Variants in CCDC183 observed in about 807,000 individuals in gnomAD.
CCDC183 encodes coiled-coil domain-containing protein 183.
In CCDC183, 63 loss-of-function variants were observed where a neutral mutation model predicts 65.2. The observed-to-expected ratio is 0.97, with a 90% confidence interval of 0.79 to 1.19. The LOEUF is 1.19. CCDC183 is among the 50% of genes most tolerant of loss of function. The pLI, the probability that CCDC183 is intolerant of heterozygous loss-of-function variation, is 0.00. For missense variants in CCDC183, 769 were observed against 689.3 expected (o/e 1.12, Z -1.30); for synonymous variants, 323 against 276.5 (o/e 1.17, Z -1.67).
chr9:136,807,662 T>C lies in CCDC183; in HGVS notation c.1577T>C (p.Leu526Pro). 1.2e-6 allele frequency: 2 copies of C among 1,602,916 alleles called. No individual in the cohort carries two copies. The highest frequency in any genetic ancestry group is 1.7e-6 in the Non-Finnish European group (2 of 1,175,248). ...RQAQRLIEGK[L>P]KAAKKKKK ...GCGCAGCGGCTAATCGAGGGGAAGC[T>C]CAAGGCGGCCAAGAAAAAGAAGAAG... is the stretch of plus-strand genomic sequence containing the variant. The change falls in exon 14 of 14, where the codon CTC (leucine) becomes CCC (proline). Residue 526 changes from leucine to proline, a missense_variant. Physicochemically the swap from Leu to Pro is moderately conservative, Grantham distance 98. Transcript: ENST00000338005.
intron 4 of CCDC183, 62 bp downstream of exon 4, chr9:136,800,231 C>CG (rs1847716933): frequency 8.4e-6 from 1 of 119,660 alleles, no homozygotes; most frequent in Non-Finnish European, 1.3e-5. Flanking sequence ...ACGGGAGGGG[C>CG]GGGGCCACCG....
Position 136,804,725 on chromosome 9 carries a change from G to C in CCDC183, c.793-37G>C, listed in dbSNP as rs1244104739. On this transcript the variant is annotated intron_variant, in intron 7 of 13. Transcript: ENST00000338005. This position sits in a 1 kb window ranked among gnomAD's most constrained non-coding sequence, Gnocchi z 4.1. The stretch of plus-strand genomic sequence containing the variant: ...CACTCAGGGCCCACTCCCTGCCAAG[G>C]ATGTCTCATCCCTTCCCCGCCCCCA... 3 of 1,613,444 alleles carry C rather than the reference G, an allele frequency of 1.9e-6. No homozygotes were observed. In the South Asian group the frequency reaches 3.3e-5, roughly 18 times the overall value.
chr9:136,807,597 C>G lies in CCDC183; in HGVS notation c.1512C>G (p.Asp504Glu). Residue 504 changes from aspartate (D) to glutamate (E), a missense_variant, in exon 14 of 14, where the codon GAC (aspartate) becomes GAG (glutamate). Asp to Glu is a conservative substitution (Grantham distance 45, BLOSUM62 2). Coordinates refer to ENST00000338005, the MANE Select transcript of CCDC183 (RefSeq NM_001039374.5). ...MIDTFQFPDMDHSYVPSRAEI... is the reference protein window; with the variant it reads ...MIDTFQFPDMEHSYVPSRAEI... ...ACACCTTCCAGTTCCCCGACATGGA[C>G]CACAGCTACGTCCCTTCGCGCGCCG... 6.2e-7 allele frequency: 1 copy of G among 1,606,490 alleles called. No homozygotes were observed. Among genetic ancestry groups the G allele is most frequent in the East Asian group, 2.3e-5 (1 of 44,282 alleles).
At position 136,800,074 on chromosome 9, in the gene CCDC183, C is replaced by G; in HGVS notation, c.343C>G (p.Arg115Gly). 1 of 1,574,402 alleles carries G rather than the reference C, an allele frequency of 6.4e-7. No homozygotes were observed. The highest frequency in any genetic ancestry group is 8.6e-7 in the Non-Finnish European group (1 of 1,161,422). Residue 115 changes from arginine to glycine, a missense_variant, in exon 4 of 14, where the codon CGG becomes GGG. Arg to Gly is a moderately radical substitution (Grantham distance 125). Transcript: ENST00000338005. Reference protein sequence around the residue: ...NMHNLLIHLVRRRGQKLESMQ... With the variant: ...NMHNLLIHLVGRRGQKLESMQ... ...GCACAACCTACTGATCCACCTGGTG[C>G]GGCGGCGCGGGCAGAAGCTGGAGAG...
chr9:136,798,555 C>G (rs961677879), intron 1 of CCDC183, among the ~76,000 whole-genome samples: 23 of 152,180 alleles, frequency 1.5e-4, no homozygotes, highest in African/African-American at 5.1e-4. Flanking sequence ...CTTCGGCCTC[C>G]CAAAGTGCTG....
rs191721793 is a variant in CCDC183 at position 136,804,032 on chromosome 9, G to A, written c.667-470G>A. 30 of 169,058 alleles carry A rather than the reference G, an allele frequency of 1.8e-4. No individual in the cohort carries two copies. The highest frequency in any genetic ancestry group is 5.2e-4 in the Admixed American group (9 of 17,408). 10.5% of individuals were successfully genotyped at this position (169,058 alleles called of 1,614,324 possible). On this transcript the variant is annotated intron_variant, in intron 6 of 13. Transcript: ENST00000338005. The surrounding 1 kb of genome is among the most constrained non-coding windows in gnomAD (Gnocchi z 4.1). Reference sequence around the variant, plus strand: ...TGGAGAAGGGGTGGCCAGGAGCAACGGAGCTGAGAACTCCTCAAGAGGCAA... The same window carrying A: ...TGGAGAAGGGGTGGCCAGGAGCAACAGAGCTGAGAACTCCTCAAGAGGCAA...
intron 5 of CCDC183, 131 bp from the exon 6 acceptor site, chr9:136,802,533 G>C: frequency 1.5e-6 from 2 of 1,290,804 alleles, no homozygotes; most frequent in Non-Finnish European, 2.1e-6. Context: ...GCCCAGCGGG[G>C]AGTGGGGGAG....
intron 13 of CCDC183, 100 bp from the exon 14 acceptor site, chr9:136,807,472 C>A: frequency 7.1e-7 from 1 of 1,399,152 alleles, no homozygotes; most frequent in Non-Finnish European, 9.5e-7. Flanking sequence ...TGGGGCAAGG[C>A]ACCTGGCCCG....
chr9:136,798,037 G>A (rs762903484), intron 1 of CCDC183, among the ~76,000 whole-genome samples: 115 of 152,104 alleles, frequency 7.6e-4, no homozygotes, highest in Admixed American at 4.8e-3. Flanking sequence ...ACGCAGTCTC[G>A]CTCTGTCACC....
In CCDC183 at chr9:136,799,616, C is replaced by A; in HGVS notation, c.193-97C>A. The stretch of plus-strand genomic sequence containing the variant: ...AGCAGGGATCTCGCTACTGGGCTAG[C>A]GTGGGATACAAGAGGCCCTGGGGAG... On this transcript the variant is annotated intron_variant, in intron 2 of 13. Coordinates refer to ENST00000338005, the MANE Select transcript of CCDC183 (RefSeq NM_001039374.5). 5.9e-6 allele frequency: 6 copies of A among 1,016,180 alleles called. No individual in the cohort carries two copies. In the Admixed American group the frequency reaches 6.1e-5, roughly 10 times the overall value. 62.9% of individuals were successfully genotyped at this position (1,016,180 alleles called of 1,614,324 possible). A position where few individuals can be genotyped will look rare whatever the true frequency, so the allele number is the denominator to read the frequency against.
chr9:136,806,813 G>T lies in CCDC183; in HGVS notation c.1335G>T (p.Glu445Asp). The T allele has an allele frequency of 3.7e-6, 6 of 1,613,656 alleles. No individual in the cohort carries two copies. Among genetic ancestry groups the T allele is most frequent in the Non-Finnish European group, 5.1e-6 (6 of 1,180,032 alleles). The stretch of plus-strand genomic sequence containing the variant: ...TGAACAGCAAGCTGGCGTACTGCGA[G>T]GGGAAGCTCACGTACCTGGCTGACA... ...LDLNSKLAYC[E>D]GKLTYLADRV... The change falls in exon 12 of 14, where the codon GAG becomes GAT. Residue 445 changes from glutamate to aspartate, a missense_variant. By Grantham distance (45) the Glu-to-Asp change is conservative. Coordinates refer to ENST00000338005, the MANE Select transcript of CCDC183 (RefSeq NM_001039374.5).
At chr9:136,799,873 G>C (rs976044038) in intron 3 of CCDC183, 83 bp downstream of exon 3, 265 of 1,510,120 alleles carry the variant, frequency 1.8e-4, no homozygotes, top group Non-Finnish European at 2.2e-4. Flanking sequence ...GAGCCGACGA[G>C]GGACGGAGCA....
Position 136,804,439 on chromosome 9 carries a change from T to C in CCDC183, c.667-63T>C. The C allele has an allele frequency of 1.3e-6, 2 of 1,566,076 alleles. No homozygotes were observed. The highest frequency in any genetic ancestry group is 1.7e-6 in the Non-Finnish European group (2 of 1,156,624). ...AGCATGGCCAACCGCCCGCTGGCTT[T>C]ACTGCCATTAGGGGCCTTGTTGAGA... On this transcript the variant is annotated intron_variant, in intron 6 of 13. Transcript: ENST00000338005. The surrounding 1 kb of genome is among the most constrained non-coding windows in gnomAD (Gnocchi z 4.1).
intron 13 of CCDC183, 192 bp from the exon 14 acceptor site, chr9:136,807,380 T>G: frequency 1.3e-6 from 1 of 765,866 alleles, no homozygotes; most frequent in East Asian, 2.8e-5. Context: ...CACTGGGGGT[T>G]CTGCGGGAAA....
At position 136,806,873 on chromosome 9, in the gene CCDC183, C is replaced by T. The variant is rs1847865128; in HGVS notation, c.1389+6C>T. On this transcript the variant is annotated splice_donor_region_variant and intron_variant, in intron 12 of 13. Coordinates refer to ENST00000338005, the MANE Select transcript of CCDC183 (RefSeq NM_001039374.5). ...TGGTGTCCAGGACCGAGGAGGTAGC[C>T]CCGGGCTGGGAGGAACCTGCACAGC... is the stretch of plus-strand genomic sequence containing the variant. 6.2e-7 allele frequency: 1 copy of T among 1,613,402 alleles called. No individual in the cohort carries two copies. Among genetic ancestry groups the T allele is most frequent in the Non-Finnish European group, 8.5e-7 (1 of 1,180,000 alleles).
intron 6 of CCDC183, 152 bp downstream of exon 6, chr9:136,802,938 A>G: frequency 9.3e-5 from 1 of 10,756 alleles, no homozygotes; most frequent in Non-Finnish European, 2.0e-4. Flanking sequence ...CTCAGGGCCC[A>G]GGGCCGGGGG....
At position 136,804,463 on chromosome 9, in the gene CCDC183, G is replaced by A. The variant is rs1445547458; in HGVS notation, c.667-39G>A. The A allele has an allele frequency of 1.3e-6, 2 of 1,598,168 alleles. No individual in the cohort carries two copies. Among genetic ancestry groups the A allele is most frequent in the Middle Eastern group, 1.7e-4 (1 of 5,914 alleles). On this transcript the variant is annotated intron_variant, in intron 6 of 13. Transcript: ENST00000338005. The surrounding 1 kb of genome is among the most constrained non-coding windows in gnomAD (Gnocchi z 4.1). ...TTACTGCCATTAGGGGCCTTGTTGAGACAGCTCCCCAACCCTGTGCCCACC... is the reference window on the plus strand; with the variant it reads ...TTACTGCCATTAGGGGCCTTGTTGAAACAGCTCCCCAACCCTGTGCCCACC...
Sources: gnomAD v4.1 joint callset for allele counts (sites outside exome capture counted in the v4.1 genomes callset) on GRCh38, gnomAD v4.1.1 for gene constraint, Gnocchi (gnomAD v3.1) non-coding constraint, MANE v1.5 for transcripts, NCBI Gene and HGNC (gene_info 2026-07-23, HGNC 2026-07-21) for gene names.